Variants in KCNQ1 observed in about 807,000 individuals in gnomAD.
KCNQ1 encodes the protein potassium voltage-gated channel subfamily KQT member 1.
Under a neutral mutation model 72.4 loss-of-function variants are expected in KCNQ1, and 49 were observed. The observed-to-expected ratio is 0.68, with a 90% CI of 0.54 to 0.86. KCNQ1 has a LOEUF of 0.86. Ranked by LOEUF, KCNQ1 falls within the 40% of genes least tolerant of loss-of-function variation. KCNQ1 has a pLI of 0.00. For missense variants in KCNQ1, 790 were observed against 945.1 expected (o/e 0.84, Z 2.15); for synonymous variants, 450 against 412.6 (o/e 1.09, Z -1.10).
rs984195572 is a variant in KCNQ1, at chr11:2,803,451, G to A, written c.1794+25414G>A. On this transcript the variant is annotated intron_variant, in intron 15 of 15. Coordinates refer to ENST00000155840, the MANE Select transcript of KCNQ1 (RefSeq NM_000218.3). The surrounding 1 kb of genome is among the most constrained non-coding windows in gnomAD (Gnocchi z 6.4). The stretch of plus-strand genomic sequence containing the variant: ...CTTCTGGGCTCTGGAGAATGCACCT[G>A]TGTTCCCAGGAGCTTTAGGGGTACC... Among the ~76,000 whole-genome samples the A allele has an allele frequency of 2.6e-5, 4 of 152,172 alleles. No individual in the cohort carries two copies. The highest frequency in any genetic ancestry group is 9.7e-5 in the African/African-American group (4 of 41,438).
chr11:2,810,133 A>C (rs1052220517), intron 15 of KCNQ1, among the ~76,000 whole-genome samples: 2 of 152,226 alleles, frequency 1.3e-5, no homozygotes, highest in East Asian at 3.8e-4. Flanking sequence ...CAGACTTACT[A>C]TTCAGAAGTC....
In KCNQ1 at chr11:2,509,918, A is replaced by G. The variant is rs1272545681; in HGVS notation, c.387-18010A>G. On this transcript the variant is annotated intron_variant, in intron 1 of 15. Transcript: ENST00000155840. The surrounding 1 kb of genome is among the most constrained non-coding windows in gnomAD (Gnocchi z 6.3). ...GACAGCCGGGAACAGACCCACTGCC[A>G]GGGCTGCCTCTCTCTTTAGATATGT... Among the ~76,000 whole-genome samples the G allele has an allele frequency of 6.6e-6, 1 of 152,176 alleles. No individual in the cohort carries two copies. The highest frequency in any genetic ancestry group is 1.5e-5 in the Non-Finnish European group (1 of 68,024).
intron 10 of KCNQ1, chr11:2,640,680 A>G (rs981535281): frequency 4.5e-5 from 18 of 398,058 alleles, no homozygotes; most frequent in Admixed American, 1.8e-4. Flanking sequence ...TATCATCTCT[A>G]TAGTTAGGAA....
chr11:2,826,242 G>T lies in KCNQ1; in HGVS notation c.1795-21525G>T, dbSNP rs1847837274. On this transcript the variant is annotated intron_variant, in intron 15 of 15. Transcript: ENST00000155840. This position sits in a 1 kb window ranked among gnomAD's most constrained non-coding sequence, Gnocchi z 4.2. ...TAAGGCTACATTTCACGTCAGCTGT[G>T]ACTTGGAAGGAAAGAGGGCCCGGCC... Among the ~76,000 whole-genome samples the T allele has an allele frequency of 6.6e-6, 1 of 152,198 alleles. No individual in the cohort carries two copies. The highest frequency in any genetic ancestry group is 1.5e-5 in the Non-Finnish European group (1 of 68,038).
chr11:2,735,384 C>T lies in KCNQ1; in HGVS notation c.1515-33460C>T, dbSNP rs1026973517. On this transcript the variant is annotated intron_variant, in intron 11 of 15. Coordinates refer to ENST00000155840, the MANE Select transcript of KCNQ1 (RefSeq NM_000218.3). The surrounding 1 kb of genome is among the most constrained non-coding windows in gnomAD (Gnocchi z 7.7). ...CCATGGCCGCCCCCACCTCCCCTCC[C>T]GCAAGCTTCTCCCCTTCCTTCAGAG... Among the ~76,000 whole-genome samples, 16 of 152,086 alleles carry T rather than the reference C, an allele frequency of 1.1e-4. No homozygotes were observed. Among genetic ancestry groups the T allele is most frequent in the African/African-American group, 2.2e-4 (9 of 41,478 alleles).
chr11:2,473,408 C>G lies in KCNQ1; in HGVS notation c.386+27924C>G, dbSNP rs1846520761. ...GCCTGGAGTCCCGTCCAGCAGGAGG[C>G]AGGAGAGCTGGTGTTTGGAGATGTG... On this transcript the variant is annotated intron_variant, in intron 1 of 15. Coordinates refer to ENST00000155840, the MANE Select transcript of KCNQ1 (RefSeq NM_000218.3). This position sits in a 1 kb window ranked among gnomAD's most constrained non-coding sequence, Gnocchi z 6.0. 6.6e-6 allele frequency among the ~76,000 whole-genome samples: 1 copy of G among 152,034 alleles called. No homozygotes were observed. Among genetic ancestry groups the G allele is most frequent in the Non-Finnish European group, 1.5e-5 (1 of 67,988 alleles).
At chr11:2,819,166 A>C (rs1847681521) in intron 15 of KCNQ1, among the ~76,000 whole-genome samples, 1 of 152,256 alleles carries the variant, frequency 6.6e-6, no homozygotes, top group South Asian at 2.1e-4. Flanking sequence ...TGCTCCAGGC[A>C]TCAGTGGTAG....
At position 2,462,485 on chromosome 11, in the gene KCNQ1, C is replaced by T. The variant is rs1262851205; in HGVS notation, c.386+17001C>T. On this transcript the variant is annotated intron_variant, in intron 1 of 15. Coordinates refer to ENST00000155840, the MANE Select transcript of KCNQ1 (RefSeq NM_000218.3). The surrounding 1 kb of genome is among the most constrained non-coding windows in gnomAD (Gnocchi z 8.2). ...TGACGGGAACCACCTGTGACATTGC[C>T]ACCACCTCGCTGTAATCTGGGCAGC... 6.6e-6 allele frequency among the ~76,000 whole-genome samples: 1 copy of T among 152,208 alleles called. No individual in the cohort carries two copies. Among genetic ancestry groups the T allele is most frequent in the Non-Finnish European group, 1.5e-5 (1 of 68,052 alleles).
rs1428414976 is a variant in KCNQ1, at chr11:2,645,001, G to A, written c.1394-16960G>A. Reference sequence around the variant, plus strand: ...GTAGTGTATGCTGGTACCAGTGTTAGCAAGTCCAGGGAAACCAATTTTGGG... The same window carrying A: ...GTAGTGTATGCTGGTACCAGTGTTAACAAGTCCAGGGAAACCAATTTTGGG... On this transcript the variant is annotated intron_variant, in intron 10 of 15. Coordinates refer to ENST00000155840, the MANE Select transcript of KCNQ1 (RefSeq NM_000218.3). This position sits in a 1 kb window ranked among gnomAD's most constrained non-coding sequence, Gnocchi z 5.8. 2.5e-6 allele frequency: 1 copy of A among 398,718 alleles called. No individual in the cohort carries two copies. The highest frequency in any genetic ancestry group is 4.4e-6 in the Non-Finnish European group (1 of 226,136). 24.7% of individuals were successfully genotyped at this position (398,718 alleles called of 1,614,324 possible). A position where few individuals can be genotyped will look rare whatever the true frequency, so the allele number is the denominator to read the frequency against.
chr11:2,516,139 G>A lies in KCNQ1; in HGVS notation c.387-11789G>A, dbSNP rs1564803335. Among the ~76,000 whole-genome samples, 1 of 152,060 alleles carries A rather than the reference G, an allele frequency of 6.6e-6. No individual in the cohort carries two copies. The highest frequency in any genetic ancestry group is 1.5e-5 in the Non-Finnish European group (1 of 68,008). ...TGGGTTGTAGTTTTCGGGGTGCTTC[G>A]AGGTGCTGTGGGGACCTGTGATGCT... On this transcript the variant is annotated intron_variant, in intron 1 of 15. Transcript: ENST00000155840. This position sits in a 1 kb window ranked among gnomAD's most constrained non-coding sequence, Gnocchi z 7.0.
In KCNQ1 at chr11:2,704,616, G is replaced by A. The variant is rs1209610296; in HGVS notation, c.1514+42535G>A. On this transcript the variant is annotated intron_variant, in intron 11 of 15. Transcript: ENST00000155840. The surrounding 1 kb of genome is among the most constrained non-coding windows in gnomAD (Gnocchi z 4.3). Reference sequence around the variant, plus strand: ...TCACTCTGGCTGCTGAACAGAGAGAGAACTGAAGAGAGGCAGCAGGGTGAG... The same window carrying A: ...TCACTCTGGCTGCTGAACAGAGAGAAAACTGAAGAGAGGCAGCAGGGTGAG... 6.6e-6 allele frequency among the ~76,000 whole-genome samples: 1 copy of A among 152,222 alleles called. No individual in the cohort carries two copies. Among genetic ancestry groups the A allele is most frequent in the Non-Finnish European group, 1.5e-5 (1 of 68,046 alleles).
rs559040179 is a variant in KCNQ1, at chr11:2,735,236, G to A, written c.1515-33608G>A. Reference sequence around the variant, plus strand: ...CCTTGATGGTGACCCCCTATGAGACGCCACTTGCCCTGAGGCCCTGGGGGA... The same window carrying A: ...CCTTGATGGTGACCCCCTATGAGACACCACTTGCCCTGAGGCCCTGGGGGA... On this transcript the variant is annotated intron_variant, in intron 11 of 15. Transcript: ENST00000155840. The surrounding 1 kb of genome is among the most constrained non-coding windows in gnomAD (Gnocchi z 7.7). 7.2e-5 allele frequency among the ~76,000 whole-genome samples: 11 copies of A among 152,250 alleles called. No homozygotes were observed. The highest frequency in any genetic ancestry group is 2.1e-4 in the South Asian group (1 of 4,832).
At chr11:2,461,815 C>A in intron 1 of KCNQ1, 1 of 946,280 alleles carries the variant, frequency 1.1e-6, no homozygotes, top group Admixed American at 2.4e-5. Context: ...GATGGGTGGA[C>A]AGCTGGATAG....
intron 11 of KCNQ1, among the ~76,000 whole-genome samples, chr11:2,739,055 C>G (rs112205245): frequency 8.2e-4 from 125 of 152,326 alleles, no homozygotes; most frequent in Middle Eastern, 6.8e-3. Context: ...AAAGGACTGA[C>G]TTCTCTGCTG....
intron 11 of KCNQ1, chr11:2,672,097 G>C (rs878880409): frequency 2.5e-6 from 1 of 398,586 alleles, no homozygotes; most frequent in South Asian, 1.3e-4. Context: ...GCTGTCTTCT[G>C]CCCACAGGGG....
Position 2,544,444 on chromosome 11 carries a change from TG to T in KCNQ1, c.477+16428del, listed in dbSNP as rs1421749660. Among the ~76,000 whole-genome samples, 1 of 151,522 alleles carries T rather than the reference TG, an allele frequency of 6.6e-6. No individual in the cohort carries two copies. Among genetic ancestry groups the T allele is most frequent in the Non-Finnish European group, 1.5e-5 (1 of 67,902 alleles). On this transcript the variant is annotated intron_variant, in intron 2 of 15. Coordinates refer to ENST00000155840, the MANE Select transcript of KCNQ1 (RefSeq NM_000218.3). This position sits in a 1 kb window ranked among gnomAD's most constrained non-coding sequence, Gnocchi z 4.4. Reference sequence around the variant, plus strand: ...TATGGTTACATACCTAATATGTATATGGTTATATATCTCTTATAAGGGTTAT... The same window carrying T: ...TATGGTTACATACCTAATATGTATATGTTATATATCTCTTATAAGGGTTAT...
chr11:2,557,735 T>G (rs1220589774), intron 2 of KCNQ1, among the ~76,000 whole-genome samples: 1 of 152,218 alleles, frequency 6.6e-6, no homozygotes, highest in Non-Finnish European at 1.5e-5. Context: ...AGACAGGCAG[T>G]GCCAGGGACT....
Position 2,805,991 on chromosome 11 carries a change from G to A in KCNQ1, c.1794+27954G>A, listed in dbSNP as rs562456150. Among the ~76,000 whole-genome samples the A allele has an allele frequency of 8.1e-4, 123 of 152,274 alleles. 2 individuals carry two copies. In the South Asian group the frequency reaches 0.017, roughly 21 times the overall value. On this transcript the variant is annotated intron_variant, in intron 15 of 15. Transcript: ENST00000155840. The stretch of plus-strand genomic sequence containing the variant: ...AACAGACCGCATGTGCAGCATTTGC[G>A]GGATGTTGGTTCTTGTTATGCACAT...
rs200511255 is a variant in KCNQ1, at chr11:2,778,137, TC to T, written c.1794+104del. 980 of 1,135,382 alleles carry T rather than the reference TC, an allele frequency of 8.6e-4. 8 individuals are homozygous for T. The African/African-American group carries it at 0.01, about 12-fold the overall frequency. The allele number at this position is 1,135,382 out of a possible 1,614,324, so 70.3% of individuals were successfully genotyped here. On this transcript the variant is annotated intron_variant, in intron 15 of 15. Transcript: ENST00000155840. ...TGTGAACGTGAAGCTCCTGCAGGCC[TC>T]CCCACCTTCCCGCCAGTGCCTACTG...
Sources: gnomAD v4.1 joint callset for allele counts (sites outside exome capture counted in the v4.1 genomes callset) on GRCh38, gnomAD v4.1.1 for gene constraint, Gnocchi (gnomAD v3.1) non-coding constraint, MANE v1.5 for transcripts, NCBI Gene and HGNC (gene_info 2026-07-23, HGNC 2026-07-21) for gene names.